The following DPP6 variants were observed in gnomAD, a reference collection of about 807,000 sequenced individuals.
The protein encoded by DPP6 is dipeptidyl peptidase like 6, also known as A-type potassium channel modulatory protein DPP6.
Under a neutral mutation model 122.6 loss-of-function variants are expected in DPP6, and 69 were observed. The ratio of observed to expected loss-of-function variants is 0.56; its 90% CI spans 0.46 to 0.69. DPP6 has a LOEUF of 0.69. Ranked by LOEUF, DPP6 falls within the 30% of genes least tolerant of loss-of-function variation. DPP6 has a pLI of 0.00. For missense variants in DPP6, 928 were observed against 1,116.9 expected (o/e 0.83, Z 2.41); for synonymous variants, 418 against 433.1 (o/e 0.97, Z 0.43).
At chr7:153,871,042 A>T in the DPP6 span, among the ~76,000 whole-genome samples, 1 of 152,164 alleles carries the variant, frequency 6.6e-6, no homozygotes, top group Non-Finnish European at 1.5e-5. Flanking sequence ...CGGCCGTGTG[A>T]GGTGTCAGTC....
At chr7:154,033,445 C>T (rs1346982788) in intron 1 of DPP6, among the ~76,000 whole-genome samples, 3 of 152,218 alleles carry the variant, frequency 2.0e-5, no homozygotes, top group Admixed American at 1.3e-4. Context: ...CAAACTGAAT[C>T]GTTTCCAAGT....
At chr7:154,614,738 A>C (rs147343767) in intron 5 of DPP6, among the ~76,000 whole-genome samples, 1 of 148,344 alleles carries the variant, frequency 6.7e-6, no homozygotes, top group Admixed American at 6.9e-5. Context: ...AGCATTAACC[A>C]TTTAGAGCAC....
intron 1 of DPP6, among the ~76,000 whole-genome samples, chr7:154,017,699 T>C (rs866030225): frequency 3.7e-4 from 32 of 86,724 alleles, no homozygotes; most frequent in African/African-American, 1.6e-3. Context: ...GCCCTTGTCC[T>C]AAAAAAAATA....
intron 1 of DPP6, among the ~76,000 whole-genome samples, chr7:154,239,274 A>G (rs1297557142): frequency 6.6e-6 from 1 of 152,204 alleles, no homozygotes; most frequent in Admixed American, 6.5e-5. Flanking sequence ...ATGTCTTTCT[A>G]GTGTCGTAGC....
At chr7:154,363,444 T>C (rs117627750) in intron 1 of DPP6, among the ~76,000 whole-genome samples, 1,558 of 152,278 alleles carry the variant, frequency 0.01, 16 homozygotes, top group Non-Finnish European at 0.015. Context: ...TCCTTTTACT[T>C]ATAAAAAGGT....
At chr7:153,931,141 C>T (rs983066135) in intron 1 of DPP6, among the ~76,000 whole-genome samples, 7 of 152,178 alleles carry the variant, frequency 4.6e-5, no homozygotes, top group Admixed American at 6.5e-5. Flanking sequence ...TATGGTCACA[C>T]TTGTGTACTT....
At chr7:153,944,119 T>C (rs988955503) in intron 1 of DPP6, among the ~76,000 whole-genome samples, 1 of 152,178 alleles carries the variant, frequency 6.6e-6, no homozygotes, top group Non-Finnish European at 1.5e-5. Flanking sequence ...TGAAGGAAGA[T>C]TGCATCGTAA....
chr7:153,814,500 T>C, the DPP6 span, among the ~76,000 whole-genome samples: 1 of 152,028 alleles, frequency 6.6e-6, no homozygotes, highest in Non-Finnish European at 1.5e-5. Context: ...CAGGACCAGA[T>C]GGATTCACAG....
the DPP6 span, among the ~76,000 whole-genome samples, chr7:153,846,256 C>G: frequency 1.2e-4 from 19 of 152,284 alleles, no homozygotes; most frequent in African/African-American, 4.3e-4. Flanking sequence ...ACTGGCTTTT[C>G]AAATTAATTA....
intron 1 of DPP6, among the ~76,000 whole-genome samples, chr7:154,406,772 C>T (rs919660122): frequency 3.3e-5 from 5 of 152,194 alleles, no homozygotes; most frequent in African/African-American, 4.8e-5. Flanking sequence ...TTATTCCTTA[C>T]TACCTTTGCA....
intron 1 of DPP6, among the ~76,000 whole-genome samples, chr7:154,391,786 T>C (rs1814643545): frequency 6.6e-6 from 1 of 151,910 alleles, no homozygotes; most frequent in South Asian, 2.1e-4. Context: ...TGATGTAGGG[T>C]TCTCTGGGTA....
chr7:153,849,765 A>G, the DPP6 span, among the ~76,000 whole-genome samples: 1 of 152,072 alleles, frequency 6.6e-6, no homozygotes, highest in Admixed American at 6.5e-5. Context: ...ATTGCTATTT[A>G]CTTGTATTCC....
intron 7 of DPP6, among the ~76,000 whole-genome samples, chr7:154,688,435 G>T (rs983176864): frequency 2.6e-5 from 4 of 152,026 alleles, no homozygotes; most frequent in African/African-American, 9.7e-5. Context: ...GATATTTTTG[G>T]TACATGTTTC....
chr7:154,764,568 G>A (rs187816334), intron 8 of DPP6, among the ~76,000 whole-genome samples: 100 of 152,316 alleles, frequency 6.6e-4, no homozygotes, highest in Admixed American at 2.5e-3. Context: ...TTACTAAAAA[G>A]AGAAGGGAGT....
At chr7:154,463,754 A>C (rs756304134) in intron 2 of DPP6, among the ~76,000 whole-genome samples, 1 of 119,136 alleles carries the variant, frequency 8.4e-6, no homozygotes, top group Non-Finnish European at 1.7e-5. Context: ...GTCATCCCAG[A>C]GCTAGGACCT....
the DPP6 span, among the ~76,000 whole-genome samples, chr7:153,766,500 A>G: frequency 2.0e-5 from 3 of 152,308 alleles, no homozygotes; most frequent in Admixed American, 2.0e-4. Context: ...TCTGGAACAA[A>G]CAATAGAACC....
rs1799003434 is a variant in DPP6, at chr7:153,887,832, GA to G, written c.51+100del. 4.4e-6 allele frequency: 6 copies of G among 1,353,586 alleles called. No homozygotes were observed. The Admixed American group carries it at 1.3e-4, about 30-fold the overall frequency. 83.8% of individuals were successfully genotyped at this position (1,353,586 alleles called of 1,614,324 possible). A position where few individuals can be genotyped will look rare whatever the true frequency, so the allele number is the denominator to read the frequency against. On this transcript the variant is annotated intron_variant, in intron 1 of 25. Coordinates refer to the DPP6 transcript ENST00000404039. ...TCCTTCTCAGTCCCGAACCTCCCTGGAAGGACAGCGACCCCATGCCCGCGCG... is the reference window on the plus strand; with the variant it reads ...TCCTTCTCAGTCCCGAACCTCCCTGGAGGACAGCGACCCCATGCCCGCGCG...
At chr7:154,117,757 T>TAC (rs1807100910) in intron 1 of DPP6, among the ~76,000 whole-genome samples, 1 of 149,376 alleles carries the variant, frequency 6.7e-6, no homozygotes, top group South Asian at 2.2e-4. Context: ...GTGGTGTGGG[T>TAC]GGGAGAATGC....
At chr7:154,861,187 C>T (rs1467471155) in intron 17 of DPP6, among the ~76,000 whole-genome samples, 1 of 152,110 alleles carries the variant, frequency 6.6e-6, no homozygotes, top group East Asian at 1.9e-4. Context: ...CCAAGTCATG[C>T]CAAGACAGAG....
Sources: allele counts gnomAD v4.1 joint callset (sites outside exome capture counted in the v4.1 genomes callset), GRCh38; gene constraint gnomAD v4.1.1; transcripts MANE v1.5; gene names NCBI Gene and HGNC (gene_info 2026-07-23, HGNC 2026-07-21).